DLG2: variants seen among roughly 807,000 people sequenced by gnomAD.
The protein encoded by DLG2 is disks large homolog 2.
A neutral mutation model predicts 132.5 loss-of-function variants in DLG2; 45 were observed. That is an observed-to-expected ratio of 0.34 (90% confidence interval 0.27 to 0.44). The LOEUF (loss-of-function observed/expected upper bound fraction) is 0.44. Ranked by LOEUF, DLG2 falls within the 20% of genes least tolerant of loss-of-function variation. The pLI is 1.00. For missense variants in DLG2, 1,045 were observed against 1,196.9 expected, an observed-to-expected ratio of 0.87 and a Z score of 1.87; for synonymous variants, 424 against 419.6, an observed-to-expected ratio of 1.01 and a Z score of -0.13.
At position 83,635,853 on chromosome 11, in the gene DLG2, T is replaced by C. The variant is rs146190595; in HGVS notation, c.1826-2528A>G. 2.4e-3 allele frequency among the ~76,000 whole-genome samples: 368 copies of C among 152,286 alleles called. 1 individual carries two copies. The highest frequency in any genetic ancestry group is 8.3e-3 in the African/African-American group (346 of 41,570). ...ACAGGGATCTTGGTGTATATGTGAA[T>C]GTTGGCAGCAGGTTAGCAGAGCACC... On this transcript the variant is annotated intron_variant, in intron 18 of 27. Coordinates refer to ENST00000376104, the MANE Select transcript of DLG2 (RefSeq NM_001142699.3).
intron 17 of DLG2, among the ~76,000 whole-genome samples, chr11:83,813,146 C>T (rs1194190990): frequency 6.6e-6 from 1 of 152,124 alleles, no homozygotes; most frequent in Non-Finnish European, 1.5e-5. Context: ...GATAGTAAAG[C>T]AGGGTTCAAG....
chr11:85,058,842 A>T (rs2063730548), intron 6 of DLG2, among the ~76,000 whole-genome samples: 1 of 151,440 alleles, frequency 6.6e-6, no homozygotes, highest in Non-Finnish European at 1.5e-5. Context: ...GTGACCCCTT[A>T]CCTCATACTA....
chr11:84,060,678 T>C (rs944736319), intron 10 of DLG2, among the ~76,000 whole-genome samples: 3 of 152,128 alleles, frequency 2.0e-5, no homozygotes, highest in African/African-American at 7.2e-5. Context: ...ACATTAATAA[T>C]GGTTAAGAGC....
intron 6 of DLG2, among the ~76,000 whole-genome samples, chr11:84,803,034 C>T (rs142548198): frequency 1.3e-5 from 2 of 152,040 alleles, no homozygotes; most frequent in Admixed American, 1.3e-4. Context: ...TCCTGACCCT[C>T]GTGATCTGCC....
chr11:85,358,869 A>G (rs1433632862), intron 3 of DLG2, among the ~76,000 whole-genome samples: 1 of 152,200 alleles, frequency 6.6e-6, no homozygotes, highest in African/African-American at 2.4e-5. Context: ...TGGCTTCCTC[A>G]GTTTAAAACA....
intron 3 of DLG2, among the ~76,000 whole-genome samples, chr11:85,448,580 T>C (rs886133348): frequency 1.3e-5 from 2 of 152,186 alleles, no homozygotes; most frequent in Non-Finnish European, 1.5e-5. Flanking sequence ...AACTTTGTTC[T>C]ATAAAATCAA....
At chr11:83,497,032 T>A (rs2094180964) in intron 21 of DLG2, among the ~76,000 whole-genome samples, 1 of 152,216 alleles carries the variant, frequency 6.6e-6, no homozygotes, top group Non-Finnish European at 1.5e-5. Context: ...TATCACATTA[T>A]GATCTAATAG....
chr11:84,114,638 T>G (rs2093540714), intron 9 of DLG2, among the ~76,000 whole-genome samples: 2 of 152,142 alleles, frequency 1.3e-5, no homozygotes, highest in Admixed American at 6.5e-5. Flanking sequence ...TGCACGGAGA[T>G]TTTAAAAGCA....
chr11:83,707,829 T>G (rs2084416734), intron 18 of DLG2, among the ~76,000 whole-genome samples: 1 of 152,200 alleles, frequency 6.6e-6, no homozygotes, highest in East Asian at 1.9e-4. Context: ...CCAGCACACA[T>G]AGTTCAATGT....
rs768075254 is a variant in DLG2, at chr11:85,193,647, TG to T, written c.187-38997del. ...TGATTAATGTTATCGATCATCTTTT[TG>T]TGTGTTTTAGCCATTTGTTCATCTT... is the stretch of plus-strand genomic sequence containing the variant. On this transcript the variant is annotated intron_variant, in intron 4 of 27. Transcript: ENST00000376104. 2.0e-5 allele frequency among the ~76,000 whole-genome samples: 3 copies of T among 152,244 alleles called. No homozygotes were observed. In the East Asian group the frequency reaches 5.8e-4, roughly 29 times the overall value.
chr11:84,931,455 A>G (rs1232459154), intron 6 of DLG2, among the ~76,000 whole-genome samples: 1 of 152,162 alleles, frequency 6.6e-6, no homozygotes, highest in Non-Finnish European at 1.5e-5. Context: ...GCTAAGGATA[A>G]TGGCCTCCAG....
chr11:83,594,256 C>A (rs1304510008), intron 19 of DLG2, among the ~76,000 whole-genome samples: 1 of 152,206 alleles, frequency 6.6e-6, no homozygotes, highest in African/African-American at 2.4e-5. Context: ...AGATTGTGGC[C>A]CCTCCATCAT....
intron 3 of DLG2, among the ~76,000 whole-genome samples, chr11:85,408,619 T>A (rs1321704077): frequency 6.8e-6 from 1 of 147,198 alleles, no homozygotes; most frequent in Non-Finnish European, 1.5e-5. Context: ...ATTGTTCAAT[T>A]CCCACCTATG....
chr11:85,071,941 A>G (rs774556410), intron 6 of DLG2, among the ~76,000 whole-genome samples: 4 of 151,898 alleles, frequency 2.6e-5, no homozygotes, highest in Non-Finnish European at 4.4e-5. Flanking sequence ...TCTACCAAAC[A>G]GGTGAAAATT....
At chr11:83,773,900 T>C (rs2094489928) in intron 18 of DLG2, among the ~76,000 whole-genome samples, 1 of 152,236 alleles carries the variant, frequency 6.6e-6, no homozygotes, top group Non-Finnish European at 1.5e-5. Context: ...ACAGCTTTTT[T>C]CATCCTAAGC....
intron 16 of DLG2, among the ~76,000 whole-genome samples, chr11:83,865,355 C>T (rs895808735): frequency 6.6e-6 from 1 of 151,662 alleles, no homozygotes; most frequent in African/African-American, 2.4e-5. Flanking sequence ...AACCACCTTA[C>T]AAAGCTGCTA....
chr11:84,713,511 T>C (rs1411325013), intron 6 of DLG2, among the ~76,000 whole-genome samples: 1 of 152,110 alleles, frequency 6.6e-6, no homozygotes, highest in African/African-American at 2.4e-5. Context: ...CTTGGATTTT[T>C]TGCATATTAG....
intron 7 of DLG2, among the ~76,000 whole-genome samples, chr11:84,255,742 T>C (rs1407309802): frequency 1.3e-5 from 2 of 152,120 alleles, no homozygotes; most frequent in East Asian, 3.8e-4. Flanking sequence ...TGGAAGGAGA[T>C]TTATGAAAAA....
At chr11:84,961,674 T>C (rs1465690034) in intron 6 of DLG2, among the ~76,000 whole-genome samples, 1 of 152,030 alleles carries the variant, frequency 6.6e-6, no homozygotes, top group Admixed American at 6.6e-5. Flanking sequence ...AAAAATACTG[T>C]GAAATGATAA....
Sources: gnomAD v4.1 joint callset for allele counts (sites outside exome capture counted in the v4.1 genomes callset) on GRCh38, gnomAD v4.1.1 for gene constraint, MANE v1.5 for transcripts, NCBI Gene and HGNC (gene_info 2026-07-23, HGNC 2026-07-21) for gene names.